PIK3R5: variants seen among roughly 807,000 people sequenced by gnomAD.
PIK3R5 encodes phosphoinositide-3-kinase regulatory subunit 5.
PIK3R5 carries 32 observed loss-of-function variants against 94.9 expected under a neutral mutation model. That is an observed-to-expected ratio of 0.34 (90% confidence interval 0.25 to 0.45). The LOEUF (loss-of-function observed/expected upper bound fraction) is 0.45. Ranked by LOEUF, PIK3R5 falls within the 20% of genes least tolerant of loss-of-function variation. The pLI is 1.00. For synonymous variants in PIK3R5, 443 were observed against 479.4 expected, an observed-to-expected ratio of 0.92 and a Z score of 0.99; for missense variants, 853 against 1,144.6, an observed-to-expected ratio of 0.75 and a Z score of 3.68.
At chr17:8,910,244 AG>A (rs1407620337) in intron 2 of PIK3R5, among the ~76,000 whole-genome samples, 1 of 152,210 alleles carries the variant, frequency 6.6e-6, no homozygotes, top group African/African-American at 2.4e-5. Context: ...TCACGTGTAC[AG>A]GCTCCTTCCA....
chr17:8,927,604 A>G (rs1042403386), intron 1 of PIK3R5, among the ~76,000 whole-genome samples: 1 of 152,212 alleles, frequency 6.6e-6, no homozygotes, highest in Non-Finnish European at 1.5e-5. Context: ...TAATGAGGTC[A>G]TCCCCTCTGC....
chr17:8,890,255 C>T lies in PIK3R5; in HGVS notation c.658-129G>A, dbSNP rs2089990004. ...TCCCAGCCTCATCACCCATCTCCTACCCACAGCTGGCCAGGCAGCCAGGCC... is the reference window on the plus strand; with the variant it reads ...TCCCAGCCTCATCACCCATCTCCTATCCACAGCTGGCCAGGCAGCCAGGCC... On this transcript the variant is annotated intron_variant, in intron 7 of 18. Coordinates refer to ENST00000447110, the MANE Select transcript of PIK3R5 (RefSeq NM_001142633.3). This position sits in a 1 kb window ranked among gnomAD's most constrained non-coding sequence, Gnocchi z 6.1. The T allele has an allele frequency of 1.4e-5, 13 of 945,176 alleles. No individual in the cohort carries two copies. Among genetic ancestry groups the T allele is most frequent in the Non-Finnish European group, 2.1e-5 (13 of 628,434 alleles). 58.5% of individuals were successfully genotyped at this position (945,176 alleles called of 1,614,324 possible). A position where few individuals can be genotyped will look rare whatever the true frequency, so the allele number is the denominator to read the frequency against.
intron 5 of PIK3R5, among the ~76,000 whole-genome samples, chr17:8,901,444 AC>A (rs140020061): frequency 0.012 from 1,889 of 152,290 alleles, 40 homozygotes; most frequent in African/African-American, 0.043. Context: ...CGAGGCACAG[AC>A]AGGTCAGCTG....
At chr17:8,953,256 A>T (rs950764297) in intron 1 of PIK3R5, among the ~76,000 whole-genome samples, 5 of 152,284 alleles carry the variant, frequency 3.3e-5, no homozygotes, top group African/African-American at 1.2e-4. Context: ...AATGTCTCAC[A>T]TGCCTTGGAC....
intron 3 of PIK3R5, among the ~76,000 whole-genome samples, chr17:8,906,856 T>C (rs1445555025): frequency 6.6e-6 from 1 of 152,226 alleles, no homozygotes; most frequent in Non-Finnish European, 1.5e-5. Flanking sequence ...TGGTGTCAGT[T>C]GGGGATCTCA....
chr17:8,882,601 C>T lies in PIK3R5; in HGVS notation c.2206-720G>A, dbSNP rs1389237230. ...CACCACAAAGTCAGGCCCGTTCAGC[C>T]AGCCGTCTATTCTCACTGTCTCCTT... On this transcript the variant is annotated intron_variant, in intron 15 of 18. Transcript: ENST00000447110. This position sits in a 1 kb window ranked among gnomAD's most constrained non-coding sequence, Gnocchi z 4.1. The T allele has an allele frequency of 6.5e-6, 1 of 152,912 alleles. No homozygotes were observed. The highest frequency in any genetic ancestry group is 1.5e-5 in the Non-Finnish European group (1 of 68,614). 9.5% of individuals were successfully genotyped at this position (152,912 alleles called of 1,614,324 possible).
In PIK3R5 at chr17:8,886,242, G is replaced by A. The variant is rs770754618; in HGVS notation, c.2115C>T (p.Ala705=). 5 of 1,612,646 alleles carry A rather than the reference G, an allele frequency of 3.1e-6. No individual in the cohort carries two copies. The highest frequency in any genetic ancestry group is 3.3e-5 in the Admixed American group (2 of 60,026). Residue 705 remains alanine, a synonymous_variant, in exon 14 of 19, where the codon GCC becomes GCT. Transcript: ENST00000447110. ...GGCAGTACCCACCTGACGCCTTGAT[G>A]GCACGTGTGGCAGCGGAGTGACCCA... ...LELGHSAATR[A]IKASGPGSKR...
intron 3 of PIK3R5, among the ~76,000 whole-genome samples, chr17:8,906,729 A>G (rs1482277196): frequency 6.6e-6 from 1 of 152,156 alleles, no homozygotes; most frequent in East Asian, 1.9e-4. Flanking sequence ...CTAAAAATAC[A>G]AAAATTAGCT....
chr17:8,896,020 T>C lies in PIK3R5; in HGVS notation c.413-2365A>G, dbSNP rs1464535476. 6.6e-6 allele frequency among the ~76,000 whole-genome samples: 1 copy of C among 152,066 alleles called. No homozygotes were observed. Among genetic ancestry groups the C allele is most frequent in the Non-Finnish European group, 1.5e-5 (1 of 67,992 alleles). ...GTGGGGTTTTGGGGTAATTAACTGG[T>C]GGGCTGGGGCCTGAGCTGGGAACAC... On this transcript the variant is annotated intron_variant, in intron 5 of 18. Transcript: ENST00000447110. This position sits in a 1 kb window ranked among gnomAD's most constrained non-coding sequence, Gnocchi z 4.0.
chr17:8,903,417 A>G (rs991782367), intron 5 of PIK3R5, among the ~76,000 whole-genome samples: 7 of 151,250 alleles, frequency 4.6e-5, no homozygotes, highest in African/African-American at 1.7e-4. Flanking sequence ...AAATACATGA[A>G]TGAATATATA....
intron 5 of PIK3R5, among the ~76,000 whole-genome samples, chr17:8,895,206 C>T (rs1030205624): frequency 1.3e-5 from 2 of 152,164 alleles, no homozygotes; most frequent in African/African-American, 4.8e-5. Context: ...GCTACCATAG[C>T]GGAGACAAAC....
chr17:8,918,040 G>A (rs189327835), intron 1 of PIK3R5, among the ~76,000 whole-genome samples: 1 of 152,288 alleles, frequency 6.6e-6, no homozygotes, highest in African/African-American at 2.4e-5. Flanking sequence ...GAATCAGTAT[G>A]AACTCATGGT....
Position 8,896,066 on chromosome 17 carries a change from G to A in PIK3R5, c.413-2411C>T, listed in dbSNP as rs1382960723. On this transcript the variant is annotated intron_variant, in intron 5 of 18. Coordinates refer to ENST00000447110, the MANE Select transcript of PIK3R5 (RefSeq NM_001142633.3). This position sits in a 1 kb window ranked among gnomAD's most constrained non-coding sequence, Gnocchi z 4.0. The stretch of plus-strand genomic sequence containing the variant: ...AACACATTAGAAAAGACTGTGCAAT[G>A]TGGAGGAGGCTTTGATAATATAAGC... Among the ~76,000 whole-genome samples the A allele has an allele frequency of 1.3e-5, 2 of 152,192 alleles. No individual in the cohort carries two copies. The highest frequency in any genetic ancestry group is 2.9e-5 in the Non-Finnish European group (2 of 68,040).
chr17:8,883,183 C>T (rs453692), intron 15 of PIK3R5, among the ~76,000 whole-genome samples: 27,286 of 152,106 alleles, frequency 0.18, 3,241 homozygotes, highest in African/African-American at 0.33. Context: ...GCCTGGCCAA[C>T]GTGGTGAAAC....
intron 1 of PIK3R5, among the ~76,000 whole-genome samples, chr17:8,917,544 T>C (rs1318673511): frequency 6.6e-6 from 1 of 152,198 alleles, no homozygotes; most frequent in Non-Finnish European, 1.5e-5. Context: ...ATTAAATATG[T>C]TTCTCATATG....
chr17:8,946,230 C>G (rs2091267870), intron 1 of PIK3R5, among the ~76,000 whole-genome samples: 1 of 152,130 alleles, frequency 6.6e-6, no homozygotes, highest in African/African-American at 2.4e-5. Flanking sequence ...AGACCAGGTC[C>G]ATCTGGTGTG....
chr17:8,933,934 A>T (rs1488609987), intron 1 of PIK3R5, among the ~76,000 whole-genome samples: 1 of 152,240 alleles, frequency 6.6e-6, no homozygotes, highest in Non-Finnish European at 1.5e-5. Flanking sequence ...ACCCTCAGTA[A>T]GAGGGAACTG....
At chr17:8,920,050 A>G (rs750430481) in intron 1 of PIK3R5, among the ~76,000 whole-genome samples, 8 of 151,894 alleles carry the variant, frequency 5.3e-5, no homozygotes, top group Non-Finnish European at 8.8e-5. Flanking sequence ...TACCAGGCTA[A>G]TTATTCTACT....
intron 14 of PIK3R5, chr17:8,885,141 C>T (rs956420300): frequency 9.3e-5 from 26 of 279,138 alleles, no homozygotes; most frequent in Non-Finnish European, 1.4e-5. Flanking sequence ...CTCCAGGGCC[C>T]CACCTCCTGG....
Sources: gnomAD v4.1 joint callset for allele counts (sites outside exome capture counted in the v4.1 genomes callset) on GRCh38, gnomAD v4.1.1 for gene constraint, Gnocchi (gnomAD v3.1) non-coding constraint, MANE v1.5 for transcripts, NCBI Gene and HGNC (gene_info 2026-07-23, HGNC 2026-07-21) for gene names.